Variants in TOPAZ1 observed in about 807,000 individuals in gnomAD.
TOPAZ1 encodes the protein testis and ovary specific TOPAZ 1.
In TOPAZ1, 66 loss-of-function variants were observed where a neutral mutation model predicts 172.2. The observed-to-expected ratio is 0.38, with a 90% CI of 0.31 to 0.47. The LOEUF (loss-of-function observed/expected upper bound fraction) is 0.47, where lower values mean the gene tolerates loss of function less well. Among genes scored for constraint, TOPAZ1 ranks in the 20% least tolerant of loss-of-function variants. TOPAZ1 has a pLI of 0.99. For missense variants in TOPAZ1, 1,822 were observed against 1,972.4 expected, an observed-to-expected ratio of 0.92 and a Z score of 1.44; for synonymous variants, 681 against 683.9, an observed-to-expected ratio of 1.00 and a Z score of 0.07.
intron 18 of TOPAZ1, among the ~76,000 whole-genome samples, chr3:44,326,079 A>G (rs925817873): frequency 2.6e-5 from 4 of 152,198 alleles, no homozygotes; most frequent in African/African-American, 9.7e-5. Flanking sequence ...TGGACATTTG[A>G]GTTGTTTTCA....
rs1403450459 is a variant in TOPAZ1, at chr3:44,243,414, G to C, written c.908G>C (p.Ser303Thr). ...LLPEESDLYQ[S>T]KTNGLLSCLQ... ...CCAGAAGAGAGTGATTTATACCAAA[G>C]TAAAACCAATGGCTTGCTTTCCTGC... is the stretch of plus-strand genomic sequence containing the variant. The change falls in exon 2 of 20, where the codon AGT (serine) becomes ACT (threonine). Residue 303 changes from serine (S) to threonine (T), a missense_variant. Ser to Thr is a moderately conservative substitution (Grantham distance 58, BLOSUM62 1). Around this residue, in one of 2 missense-constraint regions of TOPAZ1, gnomAD observed 1,489 missense variants for 1,490.8 expected, o/e 1.00. Transcript: ENST00000309765. 2 of 1,551,520 alleles carry C rather than the reference G, an allele frequency of 1.3e-6. No homozygotes were observed. The highest frequency in any genetic ancestry group is 1.7e-6 in the Non-Finnish European group (2 of 1,146,890).
At chr3:44,279,429 CTAT>C (rs1344751022) in intron 8 of TOPAZ1, among the ~76,000 whole-genome samples, 1 of 152,068 alleles carries the variant, frequency 6.6e-6, no homozygotes, top group East Asian at 1.9e-4. Context: ...AAATCTCCAA[CTAT>C]TATTGTATTG....
chr3:44,316,500 A>G (rs1043812686), intron 16 of TOPAZ1, among the ~76,000 whole-genome samples: 1 of 152,200 alleles, frequency 6.6e-6, no homozygotes, highest in Admixed American at 6.5e-5. Flanking sequence ...TTACATATTA[A>G]AGATACTAGT....
At chr3:44,262,687 A>C (rs957819311) in intron 5 of TOPAZ1, among the ~76,000 whole-genome samples, 1 of 152,156 alleles carries the variant, frequency 6.6e-6, no homozygotes, top group African/African-American at 2.4e-5. Context: ...AAGTTTTTTG[A>C]GCCATTAAAA....
intron 4 of TOPAZ1, among the ~76,000 whole-genome samples, chr3:44,259,408 G>C (rs571348608): frequency 6.6e-6 from 1 of 152,318 alleles, no homozygotes; most frequent in South Asian, 2.1e-4. Context: ...ATTTCATCCA[G>C]ATGGTAGCGT....
Position 44,262,495 on chromosome 3 carries a change from A to G in TOPAZ1, c.3020+12A>G. 1 of 1,290,950 alleles carries G rather than the reference A, an allele frequency of 7.7e-7. No homozygotes were observed. The highest frequency in any genetic ancestry group is 1.1e-6 in the Non-Finnish European group (1 of 924,798). The allele number at this position is 1,290,950 out of a possible 1,614,324, so 80.0% of individuals were successfully genotyped here. The stretch of plus-strand genomic sequence containing the variant: ...GAAGTTTGCAAAAGGTCTGTAACAT[A>G]ATTCTTAATTACATAACTTAAAATA... On this transcript the variant is annotated intron_variant, in intron 5 of 19. Coordinates refer to ENST00000309765, the MANE Select transcript of TOPAZ1 (RefSeq NM_001145030.2).
At chr3:44,247,115 A>C (rs1575704034) in intron 2 of TOPAZ1, among the ~76,000 whole-genome samples, 1 of 152,180 alleles carries the variant, frequency 6.6e-6, no homozygotes. Flanking sequence ...GGGGAAATCC[A>C]CCACCCAAAT....
At chr3:44,257,071 G>T (rs1208890072) in intron 4 of TOPAZ1, among the ~76,000 whole-genome samples, 1 of 152,114 alleles carries the variant, frequency 6.6e-6, no homozygotes, top group East Asian at 1.9e-4. Context: ...ACTCAGGCCT[G>T]TTATCTCAGG....
At chr3:44,274,872 G>A (rs1699936852) in intron 8 of TOPAZ1, among the ~76,000 whole-genome samples, 1 of 150,840 alleles carries the variant, frequency 6.6e-6, no homozygotes, top group Admixed American at 6.6e-5. Flanking sequence ...TTAAGTGAGA[G>A]ATGACAGTTC....
chr3:44,328,682 T>C (rs769592064), intron 19 of TOPAZ1, among the ~76,000 whole-genome samples: 2 of 152,246 alleles, frequency 1.3e-5, no homozygotes, highest in East Asian at 1.9e-4. Flanking sequence ...TTCAGAGATA[T>C]AGTTAGATGT....
intron 12 of TOPAZ1, among the ~76,000 whole-genome samples, chr3:44,296,710 T>C (rs552940190): frequency 3.9e-5 from 6 of 152,074 alleles, no homozygotes; most frequent in Non-Finnish European, 7.4e-5. Context: ...GATAGTTTCA[T>C]TGGACGATTC....
intron 15 of TOPAZ1, among the ~76,000 whole-genome samples, chr3:44,306,693 A>G (rs1700340097): frequency 6.6e-6 from 1 of 152,238 alleles, no homozygotes; most frequent in Non-Finnish European, 1.5e-5. Context: ...CAATGTGGAC[A>G]GATTCCCATC....
chr3:44,272,780 C>T (rs995184621), intron 8 of TOPAZ1, among the ~76,000 whole-genome samples: 1 of 152,106 alleles, frequency 6.6e-6, no homozygotes, highest in Non-Finnish European at 1.5e-5. Flanking sequence ...AGGATGGTCC[C>T]CATCTCCTGA....
chr3:44,293,151 A>T (rs893893063), intron 12 of TOPAZ1, among the ~76,000 whole-genome samples: 1 of 152,212 alleles, frequency 6.6e-6, no homozygotes, highest in African/African-American at 2.4e-5. Context: ...ATACTAGTGT[A>T]AACAAACTTA....
chr3:44,310,638 G>C (rs1700388309), intron 16 of TOPAZ1, among the ~76,000 whole-genome samples: 1 of 152,162 alleles, frequency 6.6e-6, no homozygotes, highest in Non-Finnish European at 1.5e-5. Context: ...AGAAAATGCT[G>C]TCAGAGATAT....
intron 8 of TOPAZ1, among the ~76,000 whole-genome samples, chr3:44,279,676 C>A (rs1432974535): frequency 1.3e-5 from 2 of 151,902 alleles, no homozygotes; most frequent in Non-Finnish European, 1.5e-5. Flanking sequence ...TTTTTCCATC[C>A]CTTTACTTTC....
At chr3:44,335,300 C>G (rs973668395), downstream of TOPAZ1, among the ~76,000 whole-genome samples, 3 of 152,024 alleles carry the variant, frequency 2.0e-5, no homozygotes, top group Admixed American at 2.0e-4. Context: ...TTAAGCCATC[C>G]CTGGCATACT....
chr3:44,331,695 T>G (rs1184866507), intron 19 of TOPAZ1, 97 bp from the exon 20 acceptor site: 7 of 961,238 alleles, frequency 7.3e-6, no homozygotes, highest in Non-Finnish European at 1.1e-5. Flanking sequence ...GAGAAGACTA[T>G]CATAGCTTAG....
chr3:44,300,338 G>A (rs1271687636), intron 12 of TOPAZ1, among the ~76,000 whole-genome samples: 1 of 151,858 alleles, frequency 6.6e-6, no homozygotes, highest in Non-Finnish European at 1.5e-5. Flanking sequence ...GGAGGCTGAG[G>A]CTCCAAGAGA....
Sources: allele counts gnomAD v4.1 joint callset (sites outside exome capture counted in the v4.1 genomes callset), GRCh38; gene constraint gnomAD v4.1.1; regional missense constraint gnomAD v4.1.1; transcripts MANE v1.5; gene names NCBI Gene and HGNC (gene_info 2026-07-23, HGNC 2026-07-21).